Variants in USP28 observed in about 807,000 individuals in gnomAD.
USP28 encodes the protein ubiquitin specific peptidase 28.
In USP28, 113 loss-of-function variants were observed where a neutral mutation model predicts 145.0. That is an observed-to-expected ratio of 0.78 (90% CI 0.67 to 0.91). The LOEUF (loss-of-function observed/expected upper bound fraction) is 0.91, where lower values mean the gene tolerates loss of function less well. Among genes scored for constraint, USP28 ranks in the 40% least tolerant of loss-of-function variants. The pLI, the probability that USP28 is intolerant of heterozygous loss-of-function variation, is 0.00. For synonymous variants in USP28, 447 were observed against 450.9 expected (o/e 0.99, Z 0.11); for missense variants, 1,201 against 1,289.6 (o/e 0.93, Z 1.05).
rs1248935644 is a variant in USP28 at position 113,837,200 on chromosome 11, C to A, written c.535-2865G>T. Among the ~76,000 whole-genome samples the A allele has an allele frequency of 3.9e-5, 6 of 152,188 alleles. No individual in the cohort carries two copies. In the East Asian group the frequency reaches 1.2e-3, roughly 29 times the overall value. On this transcript the variant is annotated intron_variant, in intron 5 of 24. Transcript: ENST00000003302. ...TTCTGTTAGTTTTTAGTTTACTGTTCATTTTCTATCTCACCTCATGAGAAT... is the reference window on the plus strand; with the variant it reads ...TTCTGTTAGTTTTTAGTTTACTGTTAATTTTCTATCTCACCTCATGAGAAT...
At chr11:113,849,654 G>A (rs1051879221) in intron 3 of USP28, among the ~76,000 whole-genome samples, 8 of 152,110 alleles carry the variant, frequency 5.3e-5, no homozygotes, top group African/African-American at 1.7e-4. Flanking sequence ...TTGATATGGG[G>A]GTACTGCAAC....
intron 5 of USP28, among the ~76,000 whole-genome samples, chr11:113,839,844 G>A (rs1944997625): frequency 1.3e-5 from 2 of 152,244 alleles, no homozygotes; most frequent in Admixed American, 6.5e-5. Flanking sequence ...CCAACATGAT[G>A]AAACCCCATC....
At chr11:113,852,418 G>A (rs1946569872) in intron 3 of USP28, 83 bp downstream of exon 3, 1 of 1,544,742 alleles carries the variant, frequency 6.5e-7, no homozygotes, top group East Asian at 2.3e-5. Context: ...GGGCTGATGT[G>A]ATTGACAGGG....
At chr11:113,875,489 G>A in exon 1 of USP28, 1 of 1,216,054 alleles carries the variant, frequency 8.2e-7, no homozygotes, top group African/African-American at 1.6e-5. Context: ...TCCTGCTGCA[G>A]CTCCGCAGTC....
chr11:113,854,091 G>A (rs561881271), intron 2 of USP28, among the ~76,000 whole-genome samples, 167 bp downstream of exon 2: 1 of 152,102 alleles, frequency 6.6e-6, no homozygotes, highest in East Asian at 1.9e-4. Context: ...ATCTCCCCCA[G>A]CCCCTTATAA....
At chr11:113,824,119 A>G (rs929856363) in intron 11 of USP28, among the ~76,000 whole-genome samples, 1 of 152,202 alleles carries the variant, frequency 6.6e-6, no homozygotes, top group African/African-American at 2.4e-5. Context: ...AAAAAAAATC[A>G]ACTGCAATTC....
intron 1 of USP28, among the ~76,000 whole-genome samples, chr11:113,864,364 A>G (rs1163716758): frequency 6.6e-6 from 1 of 152,238 alleles, no homozygotes; most frequent in East Asian, 1.9e-4. Flanking sequence ...GCAAAAGGAG[A>G]TAAATATAAG....
chr11:113,815,146 GTAAC>G (rs759327106), intron 14 of USP28, 24 bp downstream of exon 14: 2 of 1,602,910 alleles, frequency 1.2e-6, no homozygotes, highest in Non-Finnish European at 1.7e-6. Context: ...AAAGCAAAGA[GTAAC>G]TGACAAATTT....
At chr11:113,853,193 T>C (rs1461494203) in intron 2 of USP28, among the ~76,000 whole-genome samples, 1 of 141,772 alleles carries the variant, frequency 7.1e-6, no homozygotes, top group East Asian at 2.2e-4. Context: ...GAGGCTGAGG[T>C]GGGAGGATCG....
chr11:113,833,340 T>C, intron 7 of USP28, 80 bp downstream of exon 7: 1 of 1,539,348 alleles, frequency 6.5e-7, no homozygotes. Context: ...CACAGCTTGT[T>C]ACGCAGTTGA....
rs537961894 is a variant in USP28, at chr11:113,800,841, A to ATT, written c.3058+640_3058+641dup. Among the ~76,000 whole-genome samples, 107 of 134,416 alleles carry ATT rather than the reference A, an allele frequency of 8.0e-4. 3 individuals carry two copies. Among genetic ancestry groups the ATT allele is most frequent in the Admixed American group, 2.0e-3 (27 of 13,210 alleles). The allele number at this position is 134,416 out of a possible 152,430, so 88.2% of individuals were successfully genotyped here. On this transcript the variant is annotated intron_variant, in intron 24 of 24. Coordinates refer to ENST00000003302, the Ensembl canonical transcript of USP28. ...CCCTCCCATAACCATACTCTGCATG[A>ATT]TTTTTTTTTTTTTTTTTTGGATATG...
intron 11 of USP28, among the ~76,000 whole-genome samples, chr11:113,826,009 A>C (rs990025500): frequency 7.2e-5 from 11 of 152,104 alleles, no homozygotes; most frequent in African/African-American, 2.7e-4. Context: ...TAAGTAAAAG[A>C]AGCCATGGCT....
intron 1 of USP28, among the ~76,000 whole-genome samples, chr11:113,868,436 C>T (rs1025817448): frequency 8.9e-5 from 12 of 134,704 alleles, no homozygotes; most frequent in Admixed American, 6.7e-4. Flanking sequence ...TAAAGTGCTA[C>T]ATAGTCAAGT....
intron 3 of USP28, among the ~76,000 whole-genome samples, chr11:113,850,911 C>CT (rs1565466432): frequency 6.6e-6 from 1 of 152,196 alleles, no homozygotes; most frequent in African/African-American, 2.4e-5. Context: ...CCGTGAATGT[C>CT]TAACAGGCAT....
At chr11:113,829,165 A>C in intron 10 of USP28, 32 bp downstream of exon 10, 1 of 1,606,570 alleles carries the variant, frequency 6.2e-7, no homozygotes. Flanking sequence ...TGGCTTTGTC[A>C]CTGGCACAGC....
intron 15 of USP28, among the ~76,000 whole-genome samples, chr11:113,813,527 T>C (rs1055537499): frequency 2.0e-5 from 3 of 152,252 alleles, no homozygotes; most frequent in African/African-American, 7.2e-5. Context: ...TGAAGAATCA[T>C]GGAACTTTGG....
exon 13 of USP28, chr11:113,817,817 C>A: frequency 1.9e-6 from 3 of 1,614,098 alleles, no homozygotes; most frequent in Non-Finnish European, 2.5e-6. Context: ...CCGAGCTGGG[C>A]CTGAGCCATA....
At chr11:113,852,422 G>A (rs17802653) in intron 3 of USP28, 79 bp downstream of exon 3, 271,304 of 1,545,692 alleles carry the variant, frequency 0.18, 24,454 homozygotes, top group African/African-American at 0.2. Context: ...TGATGTGATT[G>A]ACAGGGAACT....
At chr11:113,854,667 G>A (rs1267832043) in intron 1 of USP28, among the ~76,000 whole-genome samples, 4 of 152,096 alleles carry the variant, frequency 2.6e-5, no homozygotes, top group African/African-American at 4.8e-5. Flanking sequence ...CCCAAAGTCC[G>A]CTGGGATTAC....
Sources: allele counts gnomAD v4.1 joint callset (sites outside exome capture counted in the v4.1 genomes callset), GRCh38; gene constraint gnomAD v4.1.1; transcripts MANE v1.5; gene names NCBI Gene and HGNC (gene_info 2026-07-23, HGNC 2026-07-21).